The following ROBO1 variants were observed in gnomAD, a reference collection of about 807,000 sequenced individuals.
ROBO1 encodes roundabout guidance receptor 1, also known as roundabout homolog 1.
In ROBO1, 149 loss-of-function variants were observed where a neutral mutation model predicts 195.9. The observed-to-expected ratio is 0.76, with a 90% CI of 0.67 to 0.87. ROBO1 has a LOEUF of 0.87. ROBO1 is among the 40% of genes least tolerant of loss of function. ROBO1 has a pLI of 0.00. For synonymous variants in ROBO1, 816 were observed against 733.2 expected, an observed-to-expected ratio of 1.11 and a Z score of -1.82; for missense variants, 1,933 against 2,068.3, an observed-to-expected ratio of 0.93 and a Z score of 1.27.
intron 2 of ROBO1, among the ~76,000 whole-genome samples, chr3:79,372,367 C>T (rs191926204): frequency 3.8e-4 from 58 of 152,094 alleles, no homozygotes; most frequent in Admixed American, 1.8e-3. Flanking sequence ...TGCCACCACA[C>T]CCAGCTAATT....
chr3:78,925,146 G>C (rs1386054486), intron 4 of ROBO1, among the ~76,000 whole-genome samples: 1 of 151,880 alleles, frequency 6.6e-6, no homozygotes, highest in Non-Finnish European at 1.5e-5. Flanking sequence ...ACTTTTTTCT[G>C]CTTATGTAAC....
intron 1 of ROBO1, among the ~76,000 whole-genome samples, chr3:79,647,805 T>C (rs1358250101): frequency 6.6e-6 from 1 of 152,096 alleles, no homozygotes; most frequent in Non-Finnish European, 1.5e-5. Flanking sequence ...TTGTGTTTAG[T>C]GTTATTTTGC....
chr3:79,066,304 T>C (rs1225116733), intron 3 of ROBO1, among the ~76,000 whole-genome samples: 4 of 151,822 alleles, frequency 2.6e-5, no homozygotes, highest in Non-Finnish European at 5.9e-5. Flanking sequence ...GGGACACACA[T>C]TGGGGGGCTT....
intron 1 of ROBO1, among the ~76,000 whole-genome samples, chr3:79,623,040 C>G (rs1945057743): frequency 6.6e-6 from 1 of 152,112 alleles, no homozygotes; most frequent in Non-Finnish European, 1.5e-5. Flanking sequence ...TGAATGGGGC[C>G]TGACGTGAAC....
At chr3:79,234,841 G>T (rs920288303) in intron 2 of ROBO1, among the ~76,000 whole-genome samples, 1 of 151,946 alleles carries the variant, frequency 6.6e-6, no homozygotes, top group Non-Finnish European at 1.5e-5. Context: ...GAGGGAGAAG[G>T]GTAACAACTG....
intron 2 of ROBO1, among the ~76,000 whole-genome samples, chr3:79,227,633 C>A (rs936718235): frequency 6.6e-6 from 1 of 152,096 alleles, no homozygotes; most frequent in East Asian, 1.9e-4. Flanking sequence ...CTGTTCAATT[C>A]ATCACCAAAT....
chr3:79,578,328 T>G (rs1943559509), intron 2 of ROBO1, among the ~76,000 whole-genome samples: 1 of 152,156 alleles, frequency 6.6e-6, no homozygotes, highest in South Asian at 2.1e-4. Context: ...AAAATAAGAT[T>G]CAATGAAACA....
chr3:79,201,275 T>C (rs573547513), intron 2 of ROBO1, among the ~76,000 whole-genome samples: 1 of 152,136 alleles, frequency 6.6e-6, no homozygotes, highest in Admixed American at 6.6e-5. Flanking sequence ...ACTGCAAACC[T>C]TTCAGATAGT....
intron 15 of ROBO1, 69 bp from the exon 16 acceptor site, chr3:78,661,330 T>C: frequency 3.0e-6 from 3 of 1,011,080 alleles, no homozygotes; most frequent in East Asian, 2.8e-5. Flanking sequence ...ATAATAAAAA[T>C]TAAACGTTAT....
At chr3:79,330,283 A>ATG (rs1315601076) in intron 2 of ROBO1, among the ~76,000 whole-genome samples, 3 of 147,148 alleles carry the variant, frequency 2.0e-5, no homozygotes, top group African/African-American at 7.4e-5. Context: ...GTATATATAT[A>ATG]TATATATATA....
chr3:79,647,457 C>T (rs926731671), intron 1 of ROBO1, among the ~76,000 whole-genome samples: 2 of 152,030 alleles, frequency 1.3e-5, no homozygotes, highest in African/African-American at 4.8e-5. Flanking sequence ...TGAGGTTACT[C>T]TGGAGGGCCT....
intron 2 of ROBO1, among the ~76,000 whole-genome samples, chr3:79,179,592 T>C (rs907465942): frequency 2.6e-5 from 4 of 152,226 alleles, no homozygotes; most frequent in East Asian, 1.9e-4. Context: ...ATAATGGGTA[T>C]TTTCATGTGT....
chr3:79,753,168 T>G (rs1034324304), intron 1 of ROBO1, among the ~76,000 whole-genome samples: 1 of 152,166 alleles, frequency 6.6e-6, no homozygotes, highest in Non-Finnish European at 1.5e-5. Flanking sequence ...TATAGACCTG[T>G]GGTTCTCAAC....
intron 2 of ROBO1, among the ~76,000 whole-genome samples, chr3:79,315,249 C>T (rs185210799): frequency 1.6e-3 from 244 of 152,214 alleles, no homozygotes; most frequent in African/African-American, 5.2e-3. Context: ...CAGTACCAGC[C>T]TGGGCCACAA....
At chr3:79,392,096 G>A (rs1412396983) in intron 2 of ROBO1, among the ~76,000 whole-genome samples, 1 of 152,180 alleles carries the variant, frequency 6.6e-6, no homozygotes, top group Non-Finnish European at 1.5e-5. Flanking sequence ...AAGTGGAGCT[G>A]AAGGAAATGG....
intron 2 of ROBO1, among the ~76,000 whole-genome samples, chr3:79,277,791 A>T (rs1387943177): frequency 5.1e-5 from 4 of 79,136 alleles, no homozygotes; most frequent in Admixed American, 1.1e-4. Flanking sequence ...CATTAAAAAT[A>T]AAAAAAAACA....
chr3:79,619,721 A>T (rs1382693857), intron 1 of ROBO1, among the ~76,000 whole-genome samples: 6 of 152,042 alleles, frequency 3.9e-5, no homozygotes, highest in Admixed American at 3.3e-4. Context: ...AAATATAAAA[A>T]CCCAGCCCAG....
intron 2 of ROBO1, among the ~76,000 whole-genome samples, chr3:79,253,923 T>C (rs2082779264): frequency 1.3e-5 from 2 of 152,170 alleles, no homozygotes; most frequent in African/African-American, 4.8e-5. Flanking sequence ...CATGTCTCAT[T>C]ATGTGGTTTG....
intron 2 of ROBO1, among the ~76,000 whole-genome samples, chr3:79,325,115 T>A (rs1340051233): frequency 6.6e-6 from 1 of 152,248 alleles, no homozygotes; most frequent in Non-Finnish European, 1.5e-5. Flanking sequence ...GTAAATTCTA[T>A]AAACACTGAA....
Sources: gnomAD v4.1 joint callset for allele counts (sites outside exome capture counted in the v4.1 genomes callset) on GRCh38, gnomAD v4.1.1 for gene constraint, MANE v1.5 for transcripts, NCBI Gene and HGNC (gene_info 2026-07-23, HGNC 2026-07-21) for gene names.